SLC4A4: variants seen among roughly 807,000 people sequenced by gnomAD.
The protein encoded by SLC4A4 is electrogenic sodium bicarbonate cotransporter 1.
A neutral mutation model predicts 111.5 loss-of-function variants in SLC4A4; 27 were observed. The observed-to-expected ratio is 0.24, with a 90% CI of 0.18 to 0.33. The LOEUF is 0.33. Among genes scored for constraint, SLC4A4 ranks in the 10% least tolerant of loss-of-function variants. SLC4A4 has a pLI of 1.00. For missense variants in SLC4A4, 909 were observed against 1,315.5 expected (o/e 0.69, Z 4.78); for synonymous variants, 443 against 463.4 (o/e 0.96, Z 0.57).
intron 1 of SLC4A4, among the ~76,000 whole-genome samples, chr4:71,084,658 G>A (rs2148936376): frequency 6.6e-6 from 1 of 151,998 alleles, no homozygotes; most frequent in Middle Eastern, 3.4e-3. Context: ...TGCGGTGTTT[G>A]GTTTTTTGTC....
At chr4:71,502,116 C>T (rs544129619) in intron 16 of SLC4A4, among the ~76,000 whole-genome samples, 16 of 152,248 alleles carry the variant, frequency 1.1e-4, no homozygotes, top group South Asian at 6.2e-4. Flanking sequence ...CGCTTGCCAC[C>T]GCGCCCACTA....
chr4:71,219,832 A>G (rs1718640632), intron 1 of SLC4A4, among the ~76,000 whole-genome samples: 1 of 152,214 alleles, frequency 6.6e-6, no homozygotes, highest in Non-Finnish European at 1.5e-5. Flanking sequence ...AGTGATGGAC[A>G]TAGCAAGAGA....
chr4:71,149,722 G>A (rs1445085301), intron 2 of SLC4A4, among the ~76,000 whole-genome samples: 1 of 152,160 alleles, frequency 6.6e-6, no homozygotes, highest in Non-Finnish European at 1.5e-5. Flanking sequence ...GGCTTTACTT[G>A]AAACCAGTTT....
intron 7 of SLC4A4, among the ~76,000 whole-genome samples, chr4:71,416,013 G>A (rs540600807): frequency 1.1e-3 from 172 of 152,282 alleles, no homozygotes; most frequent in African/African-American, 4.0e-3. Flanking sequence ...CATTTGTCCA[G>A]CGTCCCTCAG....
chr4:71,499,621 A>G (rs1730720554), intron 16 of SLC4A4, among the ~76,000 whole-genome samples: 1 of 152,138 alleles, frequency 6.6e-6, no homozygotes, highest in Admixed American at 6.6e-5. Flanking sequence ...TCTACTGTCT[A>G]CTTATATGAG....
At chr4:71,331,231 G>T (rs1200126439) in intron 3 of SLC4A4, among the ~76,000 whole-genome samples, 1 of 152,164 alleles carries the variant, frequency 6.6e-6, no homozygotes, top group Non-Finnish European at 1.5e-5. Context: ...CCATTACTGG[G>T]TATATACCCA....
chr4:71,407,513 CAA>C (rs1231406605), intron 7 of SLC4A4, among the ~76,000 whole-genome samples: 1 of 152,122 alleles, frequency 6.6e-6, no homozygotes, highest in African/African-American at 2.4e-5. Context: ...AGCCATCAAT[CAA>C]AGAGGAACCA....
intron 2 of SLC4A4, among the ~76,000 whole-genome samples, chr4:71,252,193 A>G (rs879437067): frequency 6.6e-6 from 1 of 152,152 alleles, no homozygotes; most frequent in Non-Finnish European, 1.5e-5. Context: ...ATGATGACAG[A>G]TATTCTGTGG....
At chr4:71,107,808 A>C (rs112141443) in intron 2 of SLC4A4, among the ~76,000 whole-genome samples, 117 of 152,140 alleles carry the variant, frequency 7.7e-4, no homozygotes, top group African/African-American at 2.7e-3. Context: ...CCTGTGCTTA[A>C]GCAATCCTCC....
chr4:71,132,994 C>T (rs1348398667), intron 2 of SLC4A4, among the ~76,000 whole-genome samples: 1 of 152,190 alleles, frequency 6.6e-6, no homozygotes, highest in Non-Finnish European at 1.5e-5. Flanking sequence ...TAGGAGTTGA[C>T]AAGCCTACAG....
At chr4:71,294,786 A>G (rs1425152695) in intron 3 of SLC4A4, among the ~76,000 whole-genome samples, 1 of 152,232 alleles carries the variant, frequency 6.6e-6, no homozygotes, top group Admixed American at 6.5e-5. Flanking sequence ...CTTCAAAAGT[A>G]GTTGGCTTTC....
chr4:71,326,941 A>G (rs1172973310), intron 3 of SLC4A4, among the ~76,000 whole-genome samples: 1 of 152,092 alleles, frequency 6.6e-6, no homozygotes, highest in Non-Finnish European at 1.5e-5. Flanking sequence ...ATAGCACATT[A>G]ATAACTTAAA....
At chr4:71,486,459 G>GT (rs1429039243) in intron 14 of SLC4A4, among the ~76,000 whole-genome samples, 1 of 151,280 alleles carries the variant, frequency 6.6e-6, no homozygotes, top group Non-Finnish European at 1.5e-5. Flanking sequence ...ACTGTCTCTT[G>GT]TTTTCACACA....
Position 71,534,363 on chromosome 4 carries a change from T to A in SLC4A4, c.2417T>A (p.Val806Glu). ...FMDQQITAVI[V>E]NRKEHKLKKG... Reference sequence around the variant, plus strand: ...GACCAACAAATTACAGCTGTGATTGTAAACAGGAAAGAACATAAACTCAAG... The same window carrying A: ...GACCAACAAATTACAGCTGTGATTGAAAACAGGAAAGAACATAAACTCAAG... Residue 806 changes from valine to glutamate, a missense_variant, in exon 18 of 26, where the codon GTA becomes GAA. Coordinates refer to ENST00000264485, the MANE Select transcript of SLC4A4 (RefSeq NM_001098484.3). 4 of 1,613,566 alleles carry A rather than the reference T, an allele frequency of 2.5e-6. No individual in the cohort carries two copies. Among genetic ancestry groups the A allele is most frequent in the Non-Finnish European group, 3.4e-6 (4 of 1,179,662 alleles).
intron 1 of SLC4A4, among the ~76,000 whole-genome samples, chr4:71,078,785 G>A (rs1578456961): frequency 6.6e-6 from 1 of 151,932 alleles, no homozygotes. Flanking sequence ...AAGCATTGCT[G>A]CTTTGGGATT....
chr4:71,070,900 G>A (rs1741643260), intron 1 of SLC4A4, among the ~76,000 whole-genome samples: 1 of 152,184 alleles, frequency 6.6e-6, no homozygotes. Flanking sequence ...TCAGGTTTGT[G>A]AATAGCAGCA....
chr4:71,419,133 G>A (rs918987487), intron 7 of SLC4A4, among the ~76,000 whole-genome samples: 7 of 152,230 alleles, frequency 4.6e-5, no homozygotes, highest in Admixed American at 2.6e-4. Flanking sequence ...AGGCTGCTCA[G>A]GGGTCAGGGG....
At chr4:71,102,045 A>G (rs1742754719) in intron 2 of SLC4A4, among the ~76,000 whole-genome samples, 1 of 151,392 alleles carries the variant, frequency 6.6e-6, no homozygotes, top group Non-Finnish European at 1.5e-5. Flanking sequence ...AGAATGTATA[A>G]CTAGAATAAC....
intron 18 of SLC4A4, among the ~76,000 whole-genome samples, chr4:71,545,262 TGAA>T: frequency 6.6e-6 from 1 of 151,976 alleles, no homozygotes; most frequent in Non-Finnish European, 1.5e-5. Context: ...GAGCCAGGGG[TGAA>T]ATCTTGGCAT....
Sources: allele counts gnomAD v4.1 joint callset (sites outside exome capture counted in the v4.1 genomes callset), GRCh38; gene constraint gnomAD v4.1.1; transcripts MANE v1.5; gene names NCBI Gene and HGNC (gene_info 2026-07-23, HGNC 2026-07-21).